Variants in SLC25A21 observed in about 807,000 individuals in gnomAD.
SLC25A21 encodes solute carrier family 25 member 21.
SLC25A21 carries 47 observed loss-of-function variants against 43.8 expected under a neutral mutation model. The observed-to-expected ratio is 1.07, with a 90% CI of 0.85 to 1.37. The LOEUF (loss-of-function observed/expected upper bound fraction) is 1.37, where lower values mean the gene tolerates loss of function less well. Among genes scored for constraint, SLC25A21 ranks in the 40% most tolerant of loss-of-function variants. The probability of loss-of-function intolerance (pLI) is 0.00; values close to 1 mark genes in which losing one functional copy is unlikely to be tolerated. For synonymous variants in SLC25A21, 131 were observed against 121.3 expected (o/e 1.08, Z -0.52); for missense variants, 352 against 350.2 (o/e 1.00, Z -0.04).
rs550026131 is a variant in SLC25A21, at chr14:36,771,148, G to A, written c.204-36575C>T. ...ACTTTTGTTATCTGACAGCCCATCT[G>A]GTCTTTGGCCTGGCTGAAATATTTA... On this transcript the variant is annotated intron_variant, in intron 3 of 9. Transcript: ENST00000331299. Among the ~76,000 whole-genome samples, 8 of 152,174 alleles carry A rather than the reference G, an allele frequency of 5.3e-5. No homozygotes were observed. The South Asian group carries it at 1.7e-3, about 32-fold the overall frequency.
chr14:36,820,828 G>A (rs1888600380), intron 2 of SLC25A21, among the ~76,000 whole-genome samples: 1 of 152,174 alleles, frequency 6.6e-6, no homozygotes, highest in Admixed American at 6.5e-5. Flanking sequence ...TTCCGTGAAT[G>A]TGCTATGAAC....
rs11850799 is a variant in SLC25A21, at chr14:36,914,230, C to T, written c.71-39226G>A. ...ACCTAACTGGTTTTAATCACCATAA[C>T]GAAAATTAATAAATGATTCGTCAGT... On this transcript the variant is annotated intron_variant, in intron 1 of 9. Transcript: ENST00000331299. Among the ~76,000 whole-genome samples, 1,331 of 152,226 alleles carry T rather than the reference C, an allele frequency of 8.7e-3. 20 individuals carry two copies. The highest frequency in any genetic ancestry group is 0.03 in the African/African-American group (1,232 of 41,524).
chr14:36,953,574 A>G (rs533751865), intron 1 of SLC25A21, among the ~76,000 whole-genome samples: 2 of 152,244 alleles, frequency 1.3e-5, no homozygotes, highest in Non-Finnish European at 2.9e-5. Flanking sequence ...AAAAATTCTT[A>G]GATAATTTTC....
intron 1 of SLC25A21, among the ~76,000 whole-genome samples, chr14:36,931,084 C>A (rs1229799457): frequency 6.6e-6 from 1 of 152,092 alleles, no homozygotes; most frequent in Non-Finnish European, 1.5e-5. Flanking sequence ...GAGTTCAGTG[C>A]ACTCAAGTTA....
At chr14:36,796,222 AG>A (rs1446227630) in intron 3 of SLC25A21, among the ~76,000 whole-genome samples, 1 of 152,198 alleles carries the variant, frequency 6.6e-6, no homozygotes, top group Admixed American at 6.5e-5. Context: ...AAAGCATTAT[AG>A]TGCCTTAAAA....
chr14:36,968,753 T>C (rs1959678404), intron 1 of SLC25A21, among the ~76,000 whole-genome samples: 1 of 152,186 alleles, frequency 6.6e-6, no homozygotes, highest in African/African-American at 2.4e-5. Context: ...CGTTCAGCGA[T>C]GTTGTCTTTT....
chr14:36,770,917 T>C (rs1886596897), intron 3 of SLC25A21, among the ~76,000 whole-genome samples: 1 of 152,220 alleles, frequency 6.6e-6, no homozygotes. Flanking sequence ...GTTTAACTTA[T>C]ACTCTGGTGT....
intron 1 of SLC25A21, among the ~76,000 whole-genome samples, chr14:37,049,753 A>G (rs1487915276): frequency 6.6e-6 from 1 of 152,198 alleles, no homozygotes; most frequent in African/African-American, 2.4e-5. Flanking sequence ...TTTTAAAAAT[A>G]TATTTTATTT....
intron 1 of SLC25A21, among the ~76,000 whole-genome samples, chr14:37,011,098 G>C (rs1299316747): frequency 6.6e-6 from 1 of 152,126 alleles, no homozygotes; most frequent in Non-Finnish European, 1.5e-5. Context: ...TGTTGGCCAG[G>C]CTTGTCTCAA....
chr14:37,058,072 A>G (rs1376564379), intron 1 of SLC25A21, among the ~76,000 whole-genome samples: 2 of 152,248 alleles, frequency 1.3e-5, no homozygotes, highest in African/African-American at 4.8e-5. Context: ...TCACAGTAAA[A>G]CTACAGTCTA....
intron 1 of SLC25A21, among the ~76,000 whole-genome samples, chr14:37,121,372 T>C (rs1434171532): frequency 6.6e-6 from 1 of 152,068 alleles, no homozygotes; most frequent in Non-Finnish European, 1.5e-5. Context: ...ACCTATTGAG[T>C]GGAAACAAAA....
At chr14:37,001,703 C>T (rs146642635) in intron 1 of SLC25A21, among the ~76,000 whole-genome samples, 210 of 152,236 alleles carry the variant, frequency 1.4e-3, no homozygotes, top group African/African-American at 4.3e-3. Flanking sequence ...AAGTAAGACA[C>T]ATTGCCTACT....
intron 7 of SLC25A21, among the ~76,000 whole-genome samples, chr14:36,690,092 G>C (rs1383319096): frequency 6.6e-6 from 1 of 152,170 alleles, no homozygotes; most frequent in Non-Finnish European, 1.5e-5. Flanking sequence ...CACCTGATCT[G>C]AGTGATACCT....
intron 1 of SLC25A21, among the ~76,000 whole-genome samples, chr14:36,989,918 A>G (rs11846627): frequency 0.087 from 13,305 of 152,182 alleles, 664 homozygotes; most frequent in African/African-American, 0.13. Context: ...GAGAGCAAGA[A>G]AGAGAGACCA....
At chr14:36,793,005 C>A (rs1159829641) in intron 3 of SLC25A21, among the ~76,000 whole-genome samples, 1 of 152,160 alleles carries the variant, frequency 6.6e-6, no homozygotes, top group East Asian at 1.9e-4. Context: ...TCTTTGTCTT[C>A]CTCTACTGCC....
At chr14:36,749,546 T>C (rs1034083298) in intron 3 of SLC25A21, among the ~76,000 whole-genome samples, 10 of 152,242 alleles carry the variant, frequency 6.6e-5, no homozygotes, top group Admixed American at 3.3e-4. Flanking sequence ...TGCCTTCCTA[T>C]CTCCCTCAGA....
chr14:36,776,381 T>A (rs1282056964), intron 3 of SLC25A21, among the ~76,000 whole-genome samples: 1 of 150,996 alleles, frequency 6.6e-6, no homozygotes, highest in Non-Finnish European at 1.5e-5. Flanking sequence ...GGACTACAGG[T>A]GCCCGCCACC....
intron 1 of SLC25A21, among the ~76,000 whole-genome samples, chr14:36,977,801 AG>A (rs1959913952): frequency 6.6e-6 from 1 of 152,184 alleles, no homozygotes; most frequent in African/African-American, 2.4e-5. Flanking sequence ...TATCCTTCAA[AG>A]TTGTGTTCTT....
Position 36,751,005 on chromosome 14 carries a change from G to C in SLC25A21, c.204-16432C>G, listed in dbSNP as rs147866267. Among the ~76,000 whole-genome samples, 634 of 152,250 alleles carry C rather than the reference G, an allele frequency of 4.2e-3. 3 individuals are homozygous for C. The highest frequency in any genetic ancestry group is 6.2e-3 in the Non-Finnish European group (419 of 68,020). On this transcript the variant is annotated intron_variant, in intron 3 of 9. Coordinates refer to ENST00000331299, the MANE Select transcript of SLC25A21 (RefSeq NM_030631.4). ...TCACTGACTACTAGTTCATACCCCC[G>C]AAGATGGGCGGGCTAGAGGGGCTTT...
Sources: allele counts gnomAD v4.1 joint callset (sites outside exome capture counted in the v4.1 genomes callset), GRCh38; gene constraint gnomAD v4.1.1; transcripts MANE v1.5; gene names NCBI Gene and HGNC (gene_info 2026-07-23, HGNC 2026-07-21).